SIDT1: variants seen among roughly 807,000 people sequenced by gnomAD.
SIDT1 encodes SID1 transmembrane family member 1.
Under a neutral mutation model 107.5 loss-of-function variants are expected in SIDT1, and 101 were observed. The observed-to-expected ratio is 0.94, with a 90% CI of 0.80 to 1.11. SIDT1 has a LOEUF of 1.11. Ranked by LOEUF, SIDT1 falls within the 50% of genes least tolerant of loss-of-function variation. SIDT1 has a pLI of 0.00. For synonymous variants in SIDT1, 395 were observed against 398.2 expected (o/e 0.99, Z 0.10); for missense variants, 1,076 against 1,058.2 (o/e 1.02, Z -0.23).
chr3:113,571,799 G>A (rs1942483988), intron 3 of SIDT1, among the ~76,000 whole-genome samples: 1 of 152,198 alleles, frequency 6.6e-6, no homozygotes, highest in Admixed American at 6.5e-5. Flanking sequence ...GCTGGGCATG[G>A]TGGTGCACAC....
At chr3:113,610,774 T>C (rs1031222408) in intron 17 of SIDT1, among the ~76,000 whole-genome samples, 3 of 152,212 alleles carry the variant, frequency 2.0e-5, no homozygotes, top group Non-Finnish European at 2.9e-5. Flanking sequence ...TCAGATGTTT[T>C]TCTTCTGTGA....
In SIDT1 at chr3:113,567,681, A is replaced by G. The variant is rs376564815; in HGVS notation, c.486A>G (p.Leu162=). The stretch of plus-strand genomic sequence containing the variant: ...CCCTGGGTGCTCAGTACAAACTGCT[A>G]GTTACCAAGCTGAAGCACTTCCAGC... ...MAPLGAQYKL[L]VTKLKHFQLR... is the part of the protein sequence containing the mutation. Residue 162 remains leucine (L), a synonymous_variant, in exon 3 of 25, where the codon CTA becomes CTG. Transcript: ENST00000264852. 211 of 1,613,934 alleles carry G rather than the reference A, an allele frequency of 1.3e-4. No homozygotes were observed. Among genetic ancestry groups the G allele is most frequent in the Non-Finnish European group, 1.4e-5 (16 of 1,179,992 alleles).
intron 1 of SIDT1, among the ~76,000 whole-genome samples, chr3:113,559,177 T>G (rs1170981400): frequency 6.6e-6 from 1 of 152,234 alleles, no homozygotes; most frequent in Non-Finnish European, 1.5e-5. Context: ...CTTGTACATA[T>G]GCAAGAATTT....
intron 10 of SIDT1, chr3:113,594,867 C>T (rs147442306): frequency 3.6e-4 from 56 of 154,454 alleles, no homozygotes; most frequent in African/African-American, 1.3e-3. Flanking sequence ...ATTGATGAGT[C>T]CAGTGGCTCT....
In SIDT1 at chr3:113,604,986, G is replaced by T; in HGVS notation, c.1404+10G>T. 1 of 1,613,330 alleles carries T rather than the reference G, an allele frequency of 6.2e-7. No individual in the cohort carries two copies. The highest frequency in any genetic ancestry group is 1.1e-5 in the South Asian group (1 of 91,080). The stretch of plus-strand genomic sequence containing the variant: ...CATTACCTATCAGACAGTAAGTGCT[G>T]CCCCAGCCCCAGCCCCAGAGTCCCA... On this transcript the variant is annotated intron_variant, in intron 14 of 24. Transcript: ENST00000264852.
chr3:113,618,388 C>T (rs898215594), intron 20 of SIDT1, among the ~76,000 whole-genome samples: 8 of 152,304 alleles, frequency 5.3e-5, no homozygotes, highest in Non-Finnish European at 8.8e-5. Flanking sequence ...CTATAACACT[C>T]ATGTGTAAGT....
intron 18 of SIDT1, 84 bp from the exon 19 acceptor site, chr3:113,612,002 C>T: frequency 1.0e-6 from 1 of 971,516 alleles, no homozygotes; most frequent in East Asian, 2.4e-5. Flanking sequence ...TTTTTGACTC[C>T]TTACACATAC....
chr3:113,610,113 A>G (rs6792799), intron 17 of SIDT1, among the ~76,000 whole-genome samples: 69,335 of 152,088 alleles, frequency 0.46, 16,332 homozygotes, highest in African/African-American at 0.58. Context: ...TTGTCATATT[A>G]TATAACAAAA....
intron 3 of SIDT1, among the ~76,000 whole-genome samples, chr3:113,576,666 A>G (rs917898313): frequency 6.6e-6 from 1 of 152,172 alleles, no homozygotes; most frequent in African/African-American, 2.4e-5. Context: ...TTATATAGAT[A>G]TGGCTTCATG....
downstream of SIDT1, among the ~76,000 whole-genome samples, chr3:113,634,167 G>T (rs1947109666): frequency 6.6e-6 from 1 of 152,110 alleles, no homozygotes; most frequent in Non-Finnish European, 1.5e-5. Flanking sequence ...CATCCCTGAA[G>T]AAATAAAAAC....
intron 3 of SIDT1, among the ~76,000 whole-genome samples, chr3:113,570,024 G>C (rs955873053): frequency 5.3e-5 from 8 of 152,126 alleles, no homozygotes; most frequent in African/African-American, 1.9e-4. Flanking sequence ...TTGTGCCTCA[G>C]CCTCCCAAGT....
chr3:113,601,921 G>A lies in SIDT1; in HGVS notation c.1117+262G>A, dbSNP rs1944985463. ...TCAATGTTTGCCATCTAATACTAAG[G>A]CCCCCTAGGGACTTTTTCATATCCA... On this transcript the variant is annotated intron_variant, in intron 11 of 24. Coordinates refer to ENST00000264852, the MANE Select transcript of SIDT1 (RefSeq NM_017699.3). 3 of 365,760 alleles carry A rather than the reference G, an allele frequency of 8.2e-6. No homozygotes were observed. The Admixed American group carries it at 1.4e-4, about 17-fold the overall frequency. 22.7% of individuals were successfully genotyped at this position (365,760 alleles called of 1,614,324 possible).
At chr3:113,625,908 T>A in intron 23 of SIDT1, 194 bp from the exon 24 acceptor site, 1 of 559,680 alleles carries the variant, frequency 1.8e-6, no homozygotes, top group East Asian at 3.0e-5. Flanking sequence ...GTAATCTCGC[T>A]TCTCTATTTT....
At chr3:113,597,499 A>C (rs1439011442) in intron 10 of SIDT1, among the ~76,000 whole-genome samples, 4 of 36,730 alleles carry the variant, frequency 1.1e-4, no homozygotes, top group Non-Finnish European at 2.9e-4. Flanking sequence ...CCATCTCAAA[A>C]AAAAAAAAAA....
chr3:113,604,564 A>G (rs1006184966), intron 13 of SIDT1, among the ~76,000 whole-genome samples: 5 of 152,244 alleles, frequency 3.3e-5, no homozygotes, highest in East Asian at 1.9e-4. Context: ...AAAAGAAAGA[A>G]AAAAGAAACC....
chr3:113,621,534 A>G (rs1946465784), intron 21 of SIDT1, among the ~76,000 whole-genome samples: 1 of 152,220 alleles, frequency 6.6e-6, no homozygotes. Context: ...ATACTTAGGA[A>G]TAAATTTTGA....
In SIDT1 at chr3:113,593,028, G is replaced by T. The variant is rs147404509; in HGVS notation, c.1025G>T (p.Gly342Val). 1.9e-6 allele frequency: 3 copies of T among 1,613,642 alleles called. No individual in the cohort carries two copies. The African/African-American group carries it at 4.0e-5, about 22-fold the overall frequency. ...AGGTTTCAGAGAAAATCCATTGATG[G>T]AAGCTTTGGGTCCAATGATGGTAAG... is the stretch of plus-strand genomic sequence containing the variant. ...YLRFQRKSID[G>V]SFGSNDGSGN... Residue 342 changes from glycine (G) to valine (V), a missense_variant, in exon 10 of 25, where the codon GGA becomes GTA. Gly to Val is a moderately radical substitution (Grantham distance 109). Transcript: ENST00000264852.
intron 1 of SIDT1, among the ~76,000 whole-genome samples, chr3:113,559,465 G>C (rs531484001): frequency 1.3e-5 from 2 of 150,774 alleles, no homozygotes; most frequent in African/African-American, 4.9e-5. Flanking sequence ...TTTGAGACAG[G>C]GTTTTCACTC....
At chr3:113,565,037 G>A (rs980422384) in intron 1 of SIDT1, among the ~76,000 whole-genome samples, 1 of 152,192 alleles carries the variant, frequency 6.6e-6, no homozygotes, top group African/African-American at 2.4e-5. Context: ...TTTTGAATGT[G>A]CGATAGATCA....
Sources: gnomAD v4.1 joint callset for allele counts (sites outside exome capture counted in the v4.1 genomes callset) on GRCh38, gnomAD v4.1.1 for gene constraint, MANE v1.5 for transcripts, NCBI Gene and HGNC (gene_info 2026-07-23, HGNC 2026-07-21) for gene names.